The following C8orf34 variants were observed in gnomAD, a reference collection of about 807,000 sequenced individuals.
C8orf34 encodes chromosome 8 open reading frame 34.
Under a neutral mutation model 68.3 loss-of-function variants are expected in C8orf34, and 65 were observed. The observed-to-expected ratio is 0.95, with a 90% CI of 0.78 to 1.17. C8orf34 has a LOEUF of 1.17. Among genes scored for constraint, C8orf34 ranks in the 50% most tolerant of loss-of-function variants. The pLI, the probability that C8orf34 is intolerant of heterozygous loss-of-function variation, is 0.00. For synonymous variants in C8orf34, 244 were observed against 241.2 expected, an observed-to-expected ratio of 1.01 and a Z score of -0.11; for missense variants, 664 against 655.4, an observed-to-expected ratio of 1.01 and a Z score of -0.14.
intron 3 of C8orf34, among the ~76,000 whole-genome samples, chr8:68,466,292 G>A (rs1199882268): frequency 6.6e-6 from 1 of 151,956 alleles, no homozygotes; most frequent in Non-Finnish European, 1.5e-5. Context: ...CGGTAAGATA[G>A]AAGGAATAAA....
chr8:68,590,505 T>C (rs1415286228), intron 7 of C8orf34, among the ~76,000 whole-genome samples: 2 of 152,110 alleles, frequency 1.3e-5, no homozygotes, highest in Admixed American at 1.3e-4. Flanking sequence ...AATTTAAATA[T>C]GTTTGGCAGA....
At chr8:68,515,474 T>C (rs1489310342) in intron 5 of C8orf34, among the ~76,000 whole-genome samples, 2 of 152,104 alleles carry the variant, frequency 1.3e-5, no homozygotes, top group Admixed American at 1.3e-4. Context: ...TCATAAACTT[T>C]CCAACGTTAA....
intron 3 of C8orf34, among the ~76,000 whole-genome samples, chr8:68,466,235 G>C (rs1236051789): frequency 6.6e-6 from 1 of 151,848 alleles, no homozygotes; most frequent in Non-Finnish European, 1.5e-5. Flanking sequence ...GGTGATTGGG[G>C]CATGGGGGAA....
intron 7 of C8orf34, among the ~76,000 whole-genome samples, chr8:68,594,623 T>A (rs1442815603): frequency 6.6e-6 from 1 of 152,086 alleles, no homozygotes; most frequent in East Asian, 1.9e-4. Flanking sequence ...TAGAATTCAT[T>A]GTTTATATCT....
chr8:68,386,816 G>T (rs1399618815), intron 1 of C8orf34, among the ~76,000 whole-genome samples: 1 of 151,992 alleles, frequency 6.6e-6, no homozygotes, highest in East Asian at 2.0e-4. Context: ...GAGCTGTCCT[G>T]GGCACTGTAG....
intron 6 of C8orf34, among the ~76,000 whole-genome samples, chr8:68,523,249 A>G (rs193136919): frequency 2.6e-5 from 4 of 152,270 alleles, no homozygotes; most frequent in African/African-American, 9.6e-5. Flanking sequence ...CTAGACTTTT[A>G]TCTTTATTCA....
At chr8:68,626,091 A>G (rs1259370670) in intron 7 of C8orf34, among the ~76,000 whole-genome samples, 1 of 152,200 alleles carries the variant, frequency 6.6e-6, no homozygotes, top group African/African-American at 2.4e-5. Context: ...AGCAATGTTT[A>G]AAATCCATGT....
At chr8:68,558,824 A>G (rs967459016) in intron 7 of C8orf34, among the ~76,000 whole-genome samples, 1 of 152,210 alleles carries the variant, frequency 6.6e-6, no homozygotes, top group Non-Finnish European at 1.5e-5. Flanking sequence ...CAAATGAGGT[A>G]CAGTCACTAC....
At chr8:68,368,432 G>T (rs576101901) in intron 1 of C8orf34, among the ~76,000 whole-genome samples, 74 of 152,056 alleles carry the variant, frequency 4.9e-4, no homozygotes, top group Non-Finnish European at 1.0e-3. Flanking sequence ...TATGAAAAAT[G>T]ACAGTTTTTG....
chr8:68,599,349 T>C (rs1240055838), intron 7 of C8orf34, among the ~76,000 whole-genome samples: 1 of 151,954 alleles, frequency 6.6e-6, no homozygotes, highest in Non-Finnish European at 1.5e-5. Flanking sequence ...AAATAAAAAA[T>C]GCTAAGGAGT....
chr8:68,787,426 A>T lies in C8orf34; in HGVS notation c.1456-17A>T. ...TCAAAACAGAGTTTAATCTAAAATA[A>T]ATGTGTTCTTTTGCAGGATGAATCC... is the stretch of plus-strand genomic sequence containing the variant. On this transcript the variant is annotated splice_polypyrimidine_tract_variant and intron_variant, in intron 11 of 13. Coordinates refer to ENST00000518698, the MANE Select transcript of C8orf34 (RefSeq NM_052958.4). 6.3e-7 allele frequency: 1 copy of T among 1,587,226 alleles called. No homozygotes were observed. Among genetic ancestry groups the T allele is most frequent in the Non-Finnish European group, 8.6e-7 (1 of 1,158,926 alleles).
intron 3 of C8orf34, among the ~76,000 whole-genome samples, chr8:68,453,335 T>G (rs148323263): frequency 6.6e-6 from 1 of 152,174 alleles, no homozygotes; most frequent in African/African-American, 2.4e-5. Flanking sequence ...TTGGATTTTC[T>G]TAGGAAATGC....
At chr8:68,575,681 G>C (rs2130303757) in intron 7 of C8orf34, among the ~76,000 whole-genome samples, 1 of 152,088 alleles carries the variant, frequency 6.6e-6, no homozygotes, top group Admixed American at 6.6e-5. Flanking sequence ...CCTTACTATG[G>C]ACCCTGCTTT....
intron 8 of C8orf34, 100 bp from the exon 9 acceptor site, chr8:68,708,894 T>C: frequency 1.3e-6 from 1 of 797,440 alleles, no homozygotes; most frequent in East Asian, 2.7e-5. Flanking sequence ...TATCTGAGTT[T>C]AGAGTCTAGA....
At chr8:68,337,990 C>T (rs78269713) in intron 1 of C8orf34, among the ~76,000 whole-genome samples, 2,307 of 152,288 alleles carry the variant, frequency 0.015, 39 homozygotes, top group Non-Finnish European at 0.025. Context: ...CAAATGGTGG[C>T]ATCTTCTTTG....
At chr8:68,562,871 T>C (rs1028319528) in intron 7 of C8orf34, among the ~76,000 whole-genome samples, 3 of 152,224 alleles carry the variant, frequency 2.0e-5, no homozygotes, top group Non-Finnish European at 4.4e-5. Flanking sequence ...GTTCCTAATG[T>C]CTATCAAATG....
intron 5 of C8orf34, among the ~76,000 whole-genome samples, chr8:68,518,711 C>A (rs1814620642): frequency 6.6e-6 from 1 of 152,020 alleles, no homozygotes; most frequent in Non-Finnish European, 1.5e-5. Flanking sequence ...TCCTGGCCAA[C>A]ATGGTGAAAG....
chr8:68,794,505 ATTT>A (rs57673879), intron 12 of C8orf34, among the ~76,000 whole-genome samples: 9 of 62,232 alleles, frequency 1.4e-4, no homozygotes, highest in South Asian at 5.3e-4. Flanking sequence ...ATATATATAT[ATTT>A]TTTTTTTTTT....
intron 1 of C8orf34, among the ~76,000 whole-genome samples, chr8:68,349,525 G>T (rs1489766923): frequency 6.6e-6 from 1 of 151,786 alleles, no homozygotes; most frequent in Non-Finnish European, 1.5e-5. Context: ...CTCCTCAATT[G>T]TTGGGAAATA....
Sources: gnomAD v4.1 joint callset for allele counts (sites outside exome capture counted in the v4.1 genomes callset) on GRCh38, gnomAD v4.1.1 for gene constraint, MANE v1.5 for transcripts, NCBI Gene and HGNC (gene_info 2026-07-23, HGNC 2026-07-21) for gene names.